Variants in LOC128462377 observed in about 807,000 individuals in gnomAD.
the LOC128462377 span, among the ~76,000 whole-genome samples, chr16:89,319,544 A>T: frequency 6.6e-6 from 1 of 152,162 alleles, no homozygotes; most frequent in Non-Finnish European, 1.5e-5. Flanking sequence ...CCCTTCCAGG[A>T]CCCTCGTGTC....
the LOC128462377 span, among the ~76,000 whole-genome samples, chr16:89,410,309 G>A: frequency 1.3e-5 from 2 of 152,186 alleles, no homozygotes; most frequent in East Asian, 3.9e-4. Context: ...TAAGCCACCA[G>A]GATTTGATAT....
At chr16:89,389,310 C>A in the LOC128462377 span, among the ~76,000 whole-genome samples, 1 of 151,988 alleles carries the variant, frequency 6.6e-6, no homozygotes, top group African/African-American at 2.4e-5. Flanking sequence ...CAGGCGTGAG[C>A]CACCACACCC....
the LOC128462377 span, among the ~76,000 whole-genome samples, chr16:89,382,075 G>A: frequency 6.6e-6 from 1 of 152,164 alleles, no homozygotes; most frequent in East Asian, 1.9e-4. Flanking sequence ...CAGTGAATGG[G>A]GCCCAGGCAG....
At chr16:89,337,429 C>CTTTTTTTTTTTTT in the LOC128462377 span, among the ~76,000 whole-genome samples, 230 of 53,134 alleles carry the variant, frequency 4.3e-3, 64 homozygotes, top group South Asian at 0.015. Context: ...CTAAGCAATT[C>CTTTTTTTTTTTTT]TTTTTTTTTT....
chr16:89,391,345 G>T, the LOC128462377 span, among the ~76,000 whole-genome samples: 3 of 152,088 alleles, frequency 2.0e-5, no homozygotes, highest in Admixed American at 6.5e-5. Flanking sequence ...GGGTGCTGGA[G>T]TGCTGGCAGT....
the LOC128462377 span, among the ~76,000 whole-genome samples, chr16:89,416,865 C>T: frequency 6.6e-6 from 1 of 152,128 alleles, no homozygotes; most frequent in Non-Finnish European, 1.5e-5. Flanking sequence ...AGGCACAGCT[C>T]AGACCCTGGG....
chr16:89,391,192 A>C, the LOC128462377 span, among the ~76,000 whole-genome samples: 19 of 149,938 alleles, frequency 1.3e-4, 1 homozygote, highest in South Asian at 3.2e-3. Flanking sequence ...CGCGCCACTG[A>C]ACTCCAGCCT....
the LOC128462377 span, among the ~76,000 whole-genome samples, chr16:89,322,684 G>C: frequency 6.6e-6 from 1 of 152,188 alleles, no homozygotes. Context: ...TGGGGAGGGT[G>C]GGGAAGGGGG....
the LOC128462377 span, among the ~76,000 whole-genome samples, chr16:89,403,365 G>A: frequency 1.3e-5 from 2 of 152,150 alleles, no homozygotes; most frequent in African/African-American, 4.8e-5. Context: ...AGAACATGGA[G>A]GAGCTCATCT....
the LOC128462377 span, among the ~76,000 whole-genome samples, chr16:89,328,049 G>A: frequency 6.6e-6 from 1 of 152,182 alleles, no homozygotes; most frequent in Admixed American, 6.5e-5. Context: ...TAGAAAATAA[G>A]AGAAAACACA....
the LOC128462377 span, among the ~76,000 whole-genome samples, chr16:89,330,675 G>C: frequency 3.9e-5 from 1 of 25,800 alleles, no homozygotes; most frequent in Non-Finnish European, 1.0e-4. Context: ...GGGGGGGGGG[G>C]CGGGGGCGGA....
chr16:89,360,560 C>T, the LOC128462377 span: 1 of 152,214 alleles, frequency 6.6e-6, no homozygotes, highest in Non-Finnish European at 1.5e-5. Flanking sequence ...CCAATATTTA[C>T]TTTCACCACT....
At chr16:89,339,706 C>T in the LOC128462377 span, among the ~76,000 whole-genome samples, 2 of 152,226 alleles carry the variant, frequency 1.3e-5, no homozygotes, top group African/African-American at 4.8e-5. Flanking sequence ...CACACATCCA[C>T]CATCTGTTCA....
At chr16:89,381,631 C>T in the LOC128462377 span, among the ~76,000 whole-genome samples, 1 of 152,122 alleles carries the variant, frequency 6.6e-6, no homozygotes. Context: ...TGTCAACATC[C>T]CCCAACATGC....
At chr16:89,318,243 G>T in the LOC128462377 span, among the ~76,000 whole-genome samples, 136 of 152,320 alleles carry the variant, frequency 8.9e-4, no homozygotes, top group South Asian at 1.5e-3. Flanking sequence ...CTCGGAGCAT[G>T]GGCCTCCTCC....
the LOC128462377 span, among the ~76,000 whole-genome samples, chr16:89,332,837 C>G: frequency 6.6e-6 from 1 of 152,218 alleles, no homozygotes; most frequent in Non-Finnish European, 1.5e-5. Flanking sequence ...TTAGAAACGT[C>G]CATTTCTTTC....
the LOC128462377 span, chr16:89,317,132 T>C: frequency 2.6e-6 from 3 of 1,174,062 alleles, no homozygotes; most frequent in Non-Finnish European, 2.5e-6. Context: ...TCAAAACTCA[T>C]CCACTCTCAC....
the LOC128462377 span, among the ~76,000 whole-genome samples, chr16:89,404,060 A>C: frequency 6.6e-6 from 1 of 152,246 alleles, no homozygotes; most frequent in African/African-American, 2.4e-5. Flanking sequence ...AAACTACAGG[A>C]AACTCTCAGA....
the LOC128462377 span, among the ~76,000 whole-genome samples, chr16:89,336,709 C>T: frequency 3.4e-4 from 52 of 152,314 alleles, 1 homozygote; most frequent in South Asian, 0.01. Flanking sequence ...CCTAAAAGCA[C>T]GCCCTACAAG....
Sources: gnomAD v4.1 joint callset for allele counts (sites outside exome capture counted in the v4.1 genomes callset) on GRCh38, gnomAD v4.1.1 for gene constraint, MANE v1.5 for transcripts.